Variants in SLC22A15 observed in about 807,000 individuals in gnomAD.
SLC22A15 encodes flipt 1.
Under a neutral mutation model 62.7 loss-of-function variants are expected in SLC22A15, and 45 were observed. The observed-to-expected ratio is 0.72, with a 90% CI of 0.56 to 0.92. SLC22A15 has a LOEUF of 0.92. Among genes scored for constraint, SLC22A15 ranks in the 40% least tolerant of loss-of-function variants. SLC22A15 has a pLI of 0.00. For synonymous variants in SLC22A15, 264 were observed against 267.0 expected (o/e 0.99, Z 0.11); for missense variants, 622 against 665.6 (o/e 0.93, Z 0.72).
intron 8 of SLC22A15, among the ~76,000 whole-genome samples, chr1:116,038,606 C>T (rs1557901406): frequency 6.6e-6 from 1 of 152,244 alleles, no homozygotes; most frequent in African/African-American, 2.4e-5. Context: ...CAAATGGGTG[C>T]TCCTGCTAAT....
At chr1:115,995,493 T>C (rs369967442) in intron 2 of SLC22A15, among the ~76,000 whole-genome samples, 2 of 152,132 alleles carry the variant, frequency 1.3e-5, no homozygotes, top group African/African-American at 4.8e-5. Context: ...GCAGGTGATC[T>C]CCCCTCCTTA....
intron 8 of SLC22A15, among the ~76,000 whole-genome samples, chr1:116,053,884 TA>T (rs1658127084): frequency 6.6e-6 from 1 of 151,650 alleles, no homozygotes; most frequent in East Asian, 1.9e-4. Context: ...AGGCCTGCCC[TA>T]AAAGAGCTCC....
chr1:115,996,556 T>A (rs953846531), intron 2 of SLC22A15, among the ~76,000 whole-genome samples: 5 of 152,058 alleles, frequency 3.3e-5, no homozygotes, highest in Admixed American at 1.3e-4. Flanking sequence ...GATTCATTCA[T>A]TAGATTCACA....
chr1:116,031,626 C>T (rs764867407), intron 6 of SLC22A15, 45 bp downstream of exon 6: 1 of 1,603,878 alleles, frequency 6.2e-7, no homozygotes, highest in Non-Finnish European at 8.5e-7. Context: ...ACTAAGGTTG[C>T]TCGAGCTTCT....
At chr1:116,001,092 C>T (rs1211214902) in intron 2 of SLC22A15, among the ~76,000 whole-genome samples, 2 of 152,094 alleles carry the variant, frequency 1.3e-5, no homozygotes, top group African/African-American at 2.4e-5. Context: ...GATACTTTTA[C>T]TGGATATACT....
chr1:115,988,982 A>G (rs1049816338), intron 1 of SLC22A15, among the ~76,000 whole-genome samples: 2 of 152,098 alleles, frequency 1.3e-5, no homozygotes, highest in Admixed American at 6.6e-5. Flanking sequence ...AAGCATGACT[A>G]TGGGTATTGG....
At chr1:115,987,542 A>C (rs1689092) in intron 1 of SLC22A15, among the ~76,000 whole-genome samples, 88,512 of 151,656 alleles carry the variant, frequency 0.58, 27,170 homozygotes, top group Non-Finnish European at 0.69. Context: ...ATTTTACACA[A>C]AAAAAAATAG....
chr1:116,019,590 A>C lies in SLC22A15; in HGVS notation c.309A>C (p.Leu103Phe). The C allele has an allele frequency of 6.2e-7, 1 of 1,600,194 alleles. No individual in the cohort carries two copies. Among genetic ancestry groups the C allele is most frequent in the Non-Finnish European group, 8.5e-7 (1 of 1,176,308 alleles). Residue 103 changes from leucine to phenylalanine, a missense_variant, in exon 3 of 12, where the codon TTA becomes TTC. Leu to Phe is a conservative substitution (Grantham distance 22, BLOSUM62 0). Coordinates refer to ENST00000369503, the MANE Select transcript of SLC22A15 (RefSeq NM_018420.3). ...SFTSIASEWF[L>F]IANRSYKVSA... ...GTTTTATCTTCCTCTAGTGGTTTTT[A>C]ATTGCCAACAGATCCTACAAAGTCA...
chr1:116,003,697 G>A (rs1602789), intron 2 of SLC22A15, among the ~76,000 whole-genome samples: 23,829 of 152,108 alleles, frequency 0.16, 3,601 homozygotes, highest in African/African-American at 0.4. Context: ...ATTTCTGTGG[G>A]TTGGGGGAAG....
chr1:116,052,512 A>C (rs1270284321), intron 8 of SLC22A15, among the ~76,000 whole-genome samples: 1 of 152,238 alleles, frequency 6.6e-6, no homozygotes, highest in African/African-American at 2.4e-5. Context: ...CTGCAAACTT[A>C]AATGTCCCTG....
At chr1:116,049,532 A>G (rs1658001815) in intron 8 of SLC22A15, among the ~76,000 whole-genome samples, 1 of 152,196 alleles carries the variant, frequency 6.6e-6, no homozygotes, top group African/African-American at 2.4e-5. Flanking sequence ...GATGGAAATT[A>G]AAAAATTCTT....
intron 9 of SLC22A15, among the ~76,000 whole-genome samples, chr1:116,064,052 T>C (rs370467546): frequency 1.3e-5 from 2 of 152,202 alleles, no homozygotes; most frequent in African/African-American, 4.8e-5. Flanking sequence ...ATGAGAACTT[T>C]TAACTTAAAA....
intron 6 of SLC22A15, among the ~76,000 whole-genome samples, chr1:116,033,948 C>G (rs981760199): frequency 3.9e-5 from 6 of 152,256 alleles, no homozygotes; most frequent in African/African-American, 1.4e-4. Flanking sequence ...CTTGAGGGTC[C>G]CTTCTCTTTA....
Position 116,068,644 on chromosome 1 carries a change from G to A in SLC22A15, c.*1536G>A, listed in dbSNP as rs980098246. On this transcript the variant is annotated 3_prime_UTR_variant, in exon 12 of 12. Transcript: ENST00000369503. ...TGCCCAGAACATTGGCGTAGACACA[G>A]TAAGAACCTAGTAAATATTACTGTT... The A allele has an allele frequency of 6.6e-6, 1 of 152,140 alleles. No homozygotes were observed. Among genetic ancestry groups the A allele is most frequent in the Non-Finnish European group, 1.5e-5 (1 of 68,024 alleles). 9.4% of individuals were successfully genotyped at this position (152,140 alleles called of 1,614,324 possible).
At chr1:115,982,610 AC>A (rs1207368882) in intron 1 of SLC22A15, among the ~76,000 whole-genome samples, 6 of 152,134 alleles carry the variant, frequency 3.9e-5, no homozygotes, top group Non-Finnish European at 8.8e-5. Context: ...AAGTTCACAA[AC>A]CCACGCAGCC....
rs1019501795 is a variant in SLC22A15 at position 116,053,929 on chromosome 1, G to A, written c.1172-8833G>A. ...GCACTAAACATGGAAAGGAACAACC[G>A]GTACCAGCCGCTGCAAAATCATGCC... On this transcript the variant is annotated intron_variant, in intron 8 of 11. Coordinates refer to ENST00000369503, the MANE Select transcript of SLC22A15 (RefSeq NM_018420.3). Among the ~76,000 whole-genome samples, 25 of 151,782 alleles carry A rather than the reference G, an allele frequency of 1.6e-4. 1 individual carries two copies. The highest frequency in any genetic ancestry group is 1.2e-3 in the East Asian group (6 of 5,162).
chr1:116,064,693 C>A (rs1557911335), intron 10 of SLC22A15, among the ~76,000 whole-genome samples, 185 bp downstream of exon 10: 1 of 152,162 alleles, frequency 6.6e-6, no homozygotes, highest in African/African-American at 2.4e-5. Flanking sequence ...CATTTGCCTC[C>A]AGTGGGTCTG....
At position 116,067,112 on chromosome 1, in the gene SLC22A15, GC is replaced by G; in HGVS notation, c.*8del. 6.2e-7 allele frequency: 1 copy of G among 1,607,668 alleles called. No individual in the cohort carries two copies. Among genetic ancestry groups the G allele is most frequent in the Non-Finnish European group, 8.5e-7 (1 of 1,176,578 alleles). On this transcript the variant is annotated 3_prime_UTR_variant, in exon 12 of 12. Coordinates refer to ENST00000369503, the MANE Select transcript of SLC22A15 (RefSeq NM_018420.3). ...AGAGACTCAGATGATCAAGTGAAGAGCCCCAGATTCCCCCTAAGAAGCAAAG... is the reference window on the plus strand; with the variant it reads ...AGAGACTCAGATGATCAAGTGAAGAGCCCAGATTCCCCCTAAGAAGCAAAG...
intron 2 of SLC22A15, among the ~76,000 whole-genome samples, chr1:115,997,767 A>G (rs138623762): frequency 0.024 from 3,645 of 152,022 alleles, 149 homozygotes; most frequent in African/African-American, 0.084. Flanking sequence ...TTCCTTTCCA[A>G]TTTGGATACT....
Sources: allele counts gnomAD v4.1 joint callset (sites outside exome capture counted in the v4.1 genomes callset), GRCh38; gene constraint gnomAD v4.1.1; transcripts MANE v1.5; gene names NCBI Gene and HGNC (gene_info 2026-07-23, HGNC 2026-07-21).